ARB2A: variants seen among roughly 807,000 people sequenced by gnomAD.
ARB2A encodes the protein cotranscriptional regulator ARB2A.
At chr5:94,106,870 GAAAAAAAAA>G in the ARB2A span, among the ~76,000 whole-genome samples, 1 of 57,384 alleles carries the variant, frequency 1.7e-5, no homozygotes, top group African/African-American at 6.1e-5. Flanking sequence ...AATCAATGCA[GAAAAAAAAA>G]AAAAAAAAAA....
chr5:93,728,297 G>A, the ARB2A span, among the ~76,000 whole-genome samples: 1 of 151,952 alleles, frequency 6.6e-6, no homozygotes, highest in East Asian at 1.9e-4. Flanking sequence ...AAAATGTATT[G>A]ATATCTATTT....
At chr5:94,007,163 A>G in the ARB2A span, among the ~76,000 whole-genome samples, 1 of 152,222 alleles carries the variant, frequency 6.6e-6, no homozygotes, top group East Asian at 1.9e-4. Flanking sequence ...TATAGATTTT[A>G]GATTGGGACC....
the ARB2A span, among the ~76,000 whole-genome samples, chr5:94,089,862 G>A: frequency 6.6e-6 from 1 of 152,072 alleles, no homozygotes; most frequent in East Asian, 1.9e-4. Flanking sequence ...GGAAAGTTCT[G>A]AAATAATTCC....
At chr5:93,852,499 T>C in the ARB2A span, among the ~76,000 whole-genome samples, 26 of 152,230 alleles carry the variant, frequency 1.7e-4, no homozygotes, top group Non-Finnish European at 1.2e-4. Context: ...TTGCCATTGC[T>C]TTTGGTGTTT....
the ARB2A span, among the ~76,000 whole-genome samples, chr5:93,780,226 C>T: frequency 1.3e-5 from 2 of 152,188 alleles, no homozygotes; most frequent in African/African-American, 2.4e-5. Flanking sequence ...TAAAGCCCTA[C>T]ACTCAGAGTT....
the ARB2A span, among the ~76,000 whole-genome samples, chr5:93,723,076 A>G: frequency 1.3e-5 from 2 of 152,126 alleles, no homozygotes; most frequent in South Asian, 4.1e-4. Flanking sequence ...TTGTGACAAG[A>G]GCTTTCAAAT....
the ARB2A span, among the ~76,000 whole-genome samples, chr5:93,623,641 A>G: frequency 1.3e-5 from 2 of 152,154 alleles, no homozygotes; most frequent in African/African-American, 4.8e-5. Flanking sequence ...AGTCCCTGAG[A>G]TAACTGAATA....
At chr5:93,714,154 A>C in the ARB2A span, among the ~76,000 whole-genome samples, 2 of 152,244 alleles carry the variant, frequency 1.3e-5, no homozygotes, top group African/African-American at 4.8e-5. Context: ...ATTTTCTTTT[A>C]ACAAGCTGAT....
At chr5:94,083,657 A>G in the ARB2A span, among the ~76,000 whole-genome samples, 1 of 152,168 alleles carries the variant, frequency 6.6e-6, no homozygotes, top group Non-Finnish European at 1.5e-5. Context: ...CCACTTTACT[A>G]TTACCACTTC....
chr5:93,966,150 G>A, the ARB2A span, among the ~76,000 whole-genome samples: 5 of 152,052 alleles, frequency 3.3e-5, no homozygotes, highest in Admixed American at 3.3e-4. Flanking sequence ...ATGACCTGCT[G>A]CTTTAAGAGA....
chr5:93,673,144 TATAG>T, the ARB2A span, among the ~76,000 whole-genome samples: 1 of 152,244 alleles, frequency 6.6e-6, no homozygotes, highest in Non-Finnish European at 1.5e-5. Context: ...CTGTAGATTT[TATAG>T]ATAGCCAACA....
the ARB2A span, among the ~76,000 whole-genome samples, chr5:93,695,791 C>T: frequency 6.6e-6 from 1 of 152,124 alleles, no homozygotes; most frequent in South Asian, 2.1e-4. Flanking sequence ...AACCCAAATG[C>T]CCATCAGTGA....
At chr5:94,008,517 T>C in the ARB2A span, among the ~76,000 whole-genome samples, 1 of 152,274 alleles carries the variant, frequency 6.6e-6, no homozygotes, top group African/African-American at 2.4e-5. Context: ...TAGAAGACTT[T>C]CGATGAGTGT....
the ARB2A span, among the ~76,000 whole-genome samples, chr5:93,974,291 T>C: frequency 6.6e-6 from 1 of 152,136 alleles, no homozygotes; most frequent in Non-Finnish European, 1.5e-5. Context: ...AGATCTATCA[T>C]GCAAGTAAAA....
the ARB2A span, among the ~76,000 whole-genome samples, chr5:93,654,913 C>T: frequency 6.6e-6 from 1 of 152,170 alleles, no homozygotes. Context: ...CTGACTACTA[C>T]TTTTTTGTGT....
the ARB2A span, chr5:93,805,302 G>A: frequency 6.1e-6 from 6 of 985,016 alleles, no homozygotes; most frequent in Non-Finnish European, 7.2e-6. Flanking sequence ...GCAATTCCTT[G>A]CTCCTTCACT....
At chr5:94,047,400 G>C in the ARB2A span, among the ~76,000 whole-genome samples, 1 of 151,978 alleles carries the variant, frequency 6.6e-6, no homozygotes, top group East Asian at 1.9e-4. Context: ...GCTGAGGCAG[G>C]AGAATCACTT....
At chr5:93,819,766 GAGAGT>G in the ARB2A span, among the ~76,000 whole-genome samples, 11 of 152,330 alleles carry the variant, frequency 7.2e-5, no homozygotes, top group African/African-American at 2.4e-4. Flanking sequence ...AAAATCTGCT[GAGAGT>G]AGAGAGAGGT....
chr5:93,947,705 C>T, the ARB2A span, among the ~76,000 whole-genome samples: 2 of 132,866 alleles, frequency 1.5e-5, no homozygotes, highest in African/African-American at 5.7e-5. Context: ...TGCGATGTTC[C>T]CCTTCCTGTG....
Sources: gnomAD v4.1 joint callset for allele counts (sites outside exome capture counted in the v4.1 genomes callset) on GRCh38, gnomAD v4.1.1 for gene constraint, MANE v1.5 for transcripts, NCBI Gene and HGNC (gene_info 2026-07-23, HGNC 2026-07-21) for gene names.